SPAG16: variants seen among roughly 807,000 people sequenced by gnomAD.
The protein encoded by SPAG16 is sperm associated antigen 16, also known as sperm-associated antigen 16 protein.
SPAG16 carries 86 observed loss-of-function variants against 80.4 expected under a neutral mutation model. The ratio of observed to expected loss-of-function variants is 1.07; its 90% confidence interval spans 0.90 to 1.28. SPAG16 has a LOEUF of 1.28. Among genes scored for constraint, SPAG16 ranks in the 50% most tolerant of loss-of-function variants. The pLI, the probability that SPAG16 is intolerant of heterozygous loss-of-function variation, is 0.00. For synonymous variants in SPAG16, 294 were observed against 265.9 expected, an observed-to-expected ratio of 1.11 and a Z score of -1.03; for missense variants, 870 against 765.3, an observed-to-expected ratio of 1.14 and a Z score of -1.61.
At chr2:213,938,721 A>T (rs1245490616) in intron 12 of SPAG16, among the ~76,000 whole-genome samples, 1 of 152,038 alleles carries the variant, frequency 6.6e-6, no homozygotes, top group Non-Finnish European at 1.5e-5. Context: ...AAGGACATCA[A>T]ATCAAAATAA....
chr2:213,460,728 T>C (rs2072312326), intron 9 of SPAG16, among the ~76,000 whole-genome samples: 1 of 152,178 alleles, frequency 6.6e-6, no homozygotes, highest in Admixed American at 6.5e-5. Flanking sequence ...AATATAAATG[T>C]GTTATGGCTT....
intron 15 of SPAG16, among the ~76,000 whole-genome samples, chr2:214,179,942 A>C (rs1479879640): frequency 6.6e-6 from 1 of 151,550 alleles, no homozygotes; most frequent in South Asian, 2.1e-4. Flanking sequence ...TAGTTCAGCT[A>C]TTACTAAGCC....
chr2:214,291,479 G>C (rs1363990115), intron 15 of SPAG16, among the ~76,000 whole-genome samples: 2 of 150,618 alleles, frequency 1.3e-5, no homozygotes, highest in Non-Finnish European at 3.0e-5. Context: ...CTAATTTTTT[G>C]TATTTTTAGT....
intron 10 of SPAG16, among the ~76,000 whole-genome samples, chr2:213,614,129 T>C (rs370662682): frequency 9.8e-5 from 15 of 152,302 alleles, no homozygotes; most frequent in African/African-American, 3.6e-4. Context: ...CATTGTTGGC[T>C]GGGGTGTGTG....
intron 10 of SPAG16, among the ~76,000 whole-genome samples, chr2:213,513,657 G>T (rs547800319): frequency 5.7e-4 from 87 of 152,328 alleles, no homozygotes; most frequent in Admixed American, 9.8e-4. Context: ...CATTTTCAGA[G>T]CTAGATGCAA....
chr2:213,771,044 C>T (rs2069215873), intron 10 of SPAG16, among the ~76,000 whole-genome samples: 1 of 152,170 alleles, frequency 6.6e-6, no homozygotes, highest in South Asian at 2.1e-4. Flanking sequence ...ACCACTCTGT[C>T]TTCCATAATG....
chr2:213,867,940 A>C (rs916609691), intron 11 of SPAG16, among the ~76,000 whole-genome samples: 40 of 146,296 alleles, frequency 2.7e-4, no homozygotes, highest in African/African-American at 1.1e-3. Context: ...AAAAAAAAAA[A>C]AAAAAAAAAA....
intron 15 of SPAG16, among the ~76,000 whole-genome samples, chr2:214,356,560 A>C (rs2126061383): frequency 8.9e-6 from 1 of 112,784 alleles, no homozygotes; most frequent in East Asian, 2.1e-4. Context: ...TTTTGGATGT[A>C]CTGAAAGCCC....
At chr2:214,063,898 A>G (rs1054726518) in intron 13 of SPAG16, among the ~76,000 whole-genome samples, 1 of 152,100 alleles carries the variant, frequency 6.6e-6, no homozygotes, top group African/African-American at 2.4e-5. Context: ...GAGGGCAGGA[A>G]TTTTCGACTG....
At chr2:213,299,553 C>T (rs996768614) in intron 3 of SPAG16, among the ~76,000 whole-genome samples, 2 of 152,030 alleles carry the variant, frequency 1.3e-5, no homozygotes, top group African/African-American at 2.4e-5. Context: ...GCTGGGATTA[C>T]AGGTGTGAGC....
At chr2:213,974,544 G>A (rs367624665) in intron 12 of SPAG16, among the ~76,000 whole-genome samples, 1 of 151,962 alleles carries the variant, frequency 6.6e-6, no homozygotes, top group East Asian at 1.9e-4. Context: ...CTACCAGAAA[G>A]TTACTTATTA....
intron 10 of SPAG16, among the ~76,000 whole-genome samples, chr2:213,500,994 A>G (rs2074717091): frequency 6.6e-6 from 1 of 152,152 alleles, no homozygotes; most frequent in South Asian, 2.1e-4. Flanking sequence ...GAGGGTAGAG[A>G]CCGTTCCCAG....
intron 15 of SPAG16, among the ~76,000 whole-genome samples, chr2:214,324,876 A>G (rs1165678405): frequency 6.6e-6 from 1 of 152,216 alleles, no homozygotes; most frequent in Non-Finnish European, 1.5e-5. Context: ...ATAAACAAAC[A>G]TACACACAGG....
At chr2:214,050,687 C>T (rs193227738) in intron 13 of SPAG16, among the ~76,000 whole-genome samples, 9 of 152,176 alleles carry the variant, frequency 5.9e-5, no homozygotes, top group Admixed American at 5.9e-4. Flanking sequence ...ATTATCATTG[C>T]AACAAATCAA....
At chr2:214,343,402 G>A (rs1421892100) in intron 15 of SPAG16, among the ~76,000 whole-genome samples, 1 of 152,042 alleles carries the variant, frequency 6.6e-6, no homozygotes, top group African/African-American at 2.4e-5. Flanking sequence ...TAACACACAT[G>A]AGTAATGAGG....
intron 13 of SPAG16, among the ~76,000 whole-genome samples, chr2:214,023,423 A>T (rs1484820600): frequency 6.6e-6 from 1 of 151,746 alleles, no homozygotes; most frequent in Non-Finnish European, 1.5e-5. Flanking sequence ...AAAAAGAAAA[A>T]AATACTTTAT....
intron 5 of SPAG16, among the ~76,000 whole-genome samples, chr2:213,332,423 G>A (rs1367708342): frequency 6.6e-6 from 1 of 152,056 alleles, no homozygotes; most frequent in East Asian, 1.9e-4. Context: ...AAAATAACAG[G>A]ACCTGATGGC....
chr2:213,950,464 A>G (rs1456461532), intron 12 of SPAG16, among the ~76,000 whole-genome samples: 1 of 151,096 alleles, frequency 6.6e-6, no homozygotes, highest in Non-Finnish European at 1.5e-5. Flanking sequence ...TTCAGTTGAA[A>G]TAAGAACACA....
chr2:213,348,767 C>G (rs867813358), intron 6 of SPAG16, among the ~76,000 whole-genome samples: 11 of 152,312 alleles, frequency 7.2e-5, no homozygotes, highest in African/African-American at 2.4e-4. Context: ...TGATGGGCTT[C>G]CCTTTGTGAC....
Sources: allele counts gnomAD v4.1 joint callset (sites outside exome capture counted in the v4.1 genomes callset), GRCh38; gene constraint gnomAD v4.1.1; transcripts MANE v1.5; gene names NCBI Gene and HGNC (gene_info 2026-07-23, HGNC 2026-07-21).